Variants in TXNDC8 observed in about 807,000 individuals in gnomAD.
TXNDC8 encodes thioredoxin domain-containing protein 8.
In TXNDC8, 15 loss-of-function variants were observed where a neutral mutation model predicts 12.9. The ratio of observed to expected loss-of-function variants is 1.16; its 90% CI spans 0.78 to 1.79. The LOEUF (loss-of-function observed/expected upper bound fraction) is 1.79, where lower values mean the gene tolerates loss of function less well. Among genes scored for constraint, TXNDC8 ranks in the 40% most tolerant of loss-of-function variants. TXNDC8 has a pLI of 0.00. For synonymous variants in TXNDC8, 40 were observed against 35.4 expected, an observed-to-expected ratio of 1.13 and a Z score of -0.46; for missense variants, 128 against 113.2, an observed-to-expected ratio of 1.13 and a Z score of -0.59.
chr9:110,322,855 A>T lies in TXNDC8; in HGVS notation c.195+3320T>A, dbSNP rs569921042. ...CACTCACTCATTCATCACACACATCATGAGTATTTTCTATCCACTTGGGAT... is the reference window on the plus strand; with the variant it reads ...CACTCACTCATTCATCACACACATCTTGAGTATTTTCTATCCACTTGGGAT... On this transcript the variant is annotated intron_variant, in intron 3 of 4. Transcript: ENST00000423740. 1.7e-5 allele frequency: 17 copies of T among 985,370 alleles called. No homozygotes were observed. In the East Asian group the frequency reaches 1.4e-3, roughly 79 times the overall value. 61.0% of individuals were successfully genotyped at this position (985,370 alleles called of 1,614,324 possible).
In TXNDC8 at chr9:110,329,287, A is replaced by C. The variant is rs747027227; in HGVS notation, c.130-3047T>G. On this transcript the variant is annotated intron_variant, in intron 2 of 4. Coordinates refer to ENST00000423740, the MANE Select transcript of TXNDC8 (RefSeq NM_001286946.2). The stretch of plus-strand genomic sequence containing the variant: ...AAATACATTTTGGTATTTCACAGAC[A>C]TAGCCTTCAAAATAAAAAATAAATA... 2.9e-5 allele frequency: 47 copies of C among 1,605,782 alleles called. No individual in the cohort carries two copies. The highest frequency in any genetic ancestry group is 3.7e-5 in the Non-Finnish European group (44 of 1,176,082).
intron 3 of TXNDC8, among the ~76,000 whole-genome samples, chr9:110,317,810 C>T (rs1838942674): frequency 6.6e-6 from 1 of 152,208 alleles, no homozygotes; most frequent in African/African-American, 2.4e-5. Context: ...AGAGTTAATG[C>T]AGCAGGTCTG....
chr9:110,337,469 C>T (rs941354677), intron 1 of TXNDC8, among the ~76,000 whole-genome samples: 2 of 152,122 alleles, frequency 1.3e-5, no homozygotes, highest in African/African-American at 2.4e-5. Flanking sequence ...AACTGAGGTA[C>T]GATCCATGGG....
intron 4 of TXNDC8, chr9:110,303,802 A>G: frequency 9.3e-7 from 1 of 1,075,704 alleles, no homozygotes; most frequent in Non-Finnish European, 1.3e-6. Flanking sequence ...ACTTTGCCAG[A>G]TCTCTATAAT....
chr9:110,324,132 C>T (rs1330603413), intron 3 of TXNDC8: 15 of 1,217,000 alleles, frequency 1.2e-5, no homozygotes, highest in Non-Finnish European at 1.7e-5. Flanking sequence ...AAGAGAGTAA[C>T]TGATGGATAG....
chr9:110,312,371 T>G (rs1377289615), intron 3 of TXNDC8, among the ~76,000 whole-genome samples: 1 of 152,240 alleles, frequency 6.6e-6, no homozygotes, highest in Non-Finnish European at 1.5e-5. Context: ...AATGGTGTAC[T>G]TTCCCTTAAG....
At chr9:110,331,714 T>A (rs1194217923) in intron 2 of TXNDC8, among the ~76,000 whole-genome samples, 1 of 152,138 alleles carries the variant, frequency 6.6e-6, no homozygotes, top group Non-Finnish European at 1.5e-5. Flanking sequence ...TCGATTCTCA[T>A]AAGGAGGGTG....
At chr9:110,322,992 G>A (rs1403336399) in intron 3 of TXNDC8, 1 of 985,292 alleles carries the variant, frequency 1.0e-6, no homozygotes, top group African/African-American at 1.7e-5. Context: ...TGGAGCAGTA[G>A]ATTGGGTCAA....
At chr9:110,315,578 A>G (rs938482856) in intron 3 of TXNDC8, among the ~76,000 whole-genome samples, 6 of 151,924 alleles carry the variant, frequency 3.9e-5, no homozygotes, top group African/African-American at 9.7e-5. Context: ...ATAGCAAAAT[A>G]TCTTGGCCAG....
intron 2 of TXNDC8, among the ~76,000 whole-genome samples, chr9:110,327,259 A>G (rs1372777655): frequency 2.6e-5 from 4 of 152,148 alleles, no homozygotes; most frequent in Non-Finnish European, 4.4e-5. Flanking sequence ...CCAATCCTGG[A>G]TATATACCCA....
At chr9:110,325,548 A>C in intron 3 of TXNDC8, among the ~76,000 whole-genome samples, 1 of 129,452 alleles carries the variant, frequency 7.7e-6, no homozygotes. Flanking sequence ...ACGGAGTCTC[A>C]CTCTGTCGCC....
At chr9:110,329,332 T>A in intron 2 of TXNDC8, 41 bp from the exon 3 acceptor site, 1 of 1,513,588 alleles carries the variant, frequency 6.6e-7, no homozygotes, top group African/African-American at 1.4e-5. Flanking sequence ...AGTTTGGTGT[T>A]AATATTAAAA....
At chr9:110,335,001 A>G (rs150567902) in intron 1 of TXNDC8, among the ~76,000 whole-genome samples, 183 of 152,252 alleles carry the variant, frequency 1.2e-3, no homozygotes, top group African/African-American at 4.3e-3. Context: ...TGTATCATCT[A>G]AGTAAATAAA....
At position 110,305,298 on chromosome 9, in the gene TXNDC8, C is replaced by T. The variant is rs1465330875; in HGVS notation, c.196-766G>A. On this transcript the variant is annotated intron_variant, in intron 3 of 4. Transcript: ENST00000423740. ...TCAACATGATGTTTATGAGACTTAC[C>T]TGGAGAGTGTCACTACAGTCATTTT... is the stretch of plus-strand genomic sequence containing the variant. Among the ~76,000 whole-genome samples the T allele has an allele frequency of 2.0e-5, 3 of 152,042 alleles. No individual in the cohort carries two copies. In the East Asian group the frequency reaches 5.8e-4, roughly 29 times the overall value.
At chr9:110,331,538 T>C (rs1839541111) in intron 2 of TXNDC8, among the ~76,000 whole-genome samples, 2 of 152,314 alleles carry the variant, frequency 1.3e-5, no homozygotes, top group African/African-American at 4.8e-5. Flanking sequence ...CCTTTTCTAA[T>C]TTGGTTCTAA....
intron 3 of TXNDC8, among the ~76,000 whole-genome samples, chr9:110,321,242 G>C (rs965322251): frequency 6.6e-6 from 1 of 152,176 alleles, no homozygotes; most frequent in Non-Finnish European, 1.5e-5. Flanking sequence ...GCTGGTAAGG[G>C]AGATTACTGT....
chr9:110,312,328 T>C (rs1393863428), intron 3 of TXNDC8, among the ~76,000 whole-genome samples: 5 of 152,212 alleles, frequency 3.3e-5, no homozygotes, highest in African/African-American at 4.8e-5. Context: ...CAGGACACAA[T>C]TGGAGAAACC....
intron 3 of TXNDC8, among the ~76,000 whole-genome samples, chr9:110,307,324 G>A (rs1838507410): frequency 6.6e-6 from 1 of 152,026 alleles, no homozygotes; most frequent in South Asian, 2.1e-4. Flanking sequence ...GGCCTGTGTT[G>A]AGCTAAGTTT....
chr9:110,334,321 C>T lies in TXNDC8; in HGVS notation c.25-1G>A, dbSNP rs1475846431. 4.3e-6 allele frequency: 7 copies of T among 1,609,942 alleles called. No individual in the cohort carries two copies. Among genetic ancestry groups the T allele is most frequent in the South Asian group, 2.2e-5 (2 of 90,866 alleles). The stretch of plus-strand genomic sequence containing the variant: ...CTGTCAAAAATGTTTTAAATTCATT[C>T]TGAAAACAGAAAATAAATGAGGAAA... On this transcript the variant is annotated splice_acceptor_variant, in intron 1 of 4. Coordinates refer to ENST00000423740, the MANE Select transcript of TXNDC8 (RefSeq NM_001286946.2). LOFTEE classifies it high-confidence loss of function.
Sources: allele counts gnomAD v4.1 joint callset (sites outside exome capture counted in the v4.1 genomes callset), GRCh38; gene constraint gnomAD v4.1.1; transcripts MANE v1.5; gene names NCBI Gene and HGNC (gene_info 2026-07-23, HGNC 2026-07-21).